PHF19: variants seen among roughly 807,000 people sequenced by gnomAD.
PHF19 encodes PHD finger protein 19, also known as polycomb like 3.
PHF19 carries 21 observed loss-of-function variants against 79.8 expected under a neutral mutation model. The ratio of observed to expected loss-of-function variants is 0.26; its 90% confidence interval spans 0.19 to 0.38. The LOEUF is 0.38. PHF19 is among the 10% of genes least tolerant of loss of function. The pLI is 1.00. For missense variants in PHF19, 445 were observed against 744.2 expected (o/e 0.60, Z 4.68); for synonymous variants, 273 against 296.3 (o/e 0.92, Z 0.81).
Position 120,862,615 on chromosome 9 carries a change from A to G in PHF19, c.1103T>C (p.Leu368Pro). 1 of 1,613,962 alleles carries G rather than the reference A, an allele frequency of 6.2e-7. No homozygotes were observed. The highest frequency in any genetic ancestry group is 8.5e-7 in the Non-Finnish European group (1 of 1,179,962). Residue 368 changes from leucine (L) to proline (P), a missense_variant, in exon 11 of 15, where the codon CTG (leucine) becomes CCG (proline). Physicochemically the swap from Leu to Pro is moderately conservative, Grantham distance 98 (BLOSUM62 -3). Transcript: ENST00000373896. The surrounding 1 kb of genome is among the most constrained non-coding windows in gnomAD (Gnocchi z 4.6). ...AGGCTTGCTCTTTCCTCTCTTACGC[A>G]GCTCAGAGGAGGCGCTGTTCTCATT... ...LPNENSASSELRKRGKSKPGL... is the reference protein window; with the variant it reads ...LPNENSASSEPRKRGKSKPGL...
intron 12 of PHF19, among the ~76,000 whole-genome samples, 153 bp downstream of exon 12, chr9:120,861,765 T>TAAA (rs1243412575): frequency 2.0e-5 from 3 of 152,092 alleles, no homozygotes; most frequent in Non-Finnish European, 2.9e-5. Flanking sequence ...GCAGGGGTCT[T>TAAA]AGAGTGCCTG....
intron 1 of PHF19, among the ~76,000 whole-genome samples, chr9:120,886,638 TG>T (rs751857862): frequency 6.6e-6 from 1 of 152,254 alleles, no homozygotes; most frequent in Non-Finnish European, 1.5e-5. Flanking sequence ...CAATGTCAGC[TG>T]GAGTGTTTCC....
rs1437273475 is a variant in PHF19 at position 120,856,603 on chromosome 9, G to C, written c.*1341C>G. The C allele has an allele frequency of 6.6e-6, 1 of 152,272 alleles. No individual in the cohort carries two copies. The highest frequency in any genetic ancestry group is 1.5e-5 in the Non-Finnish European group (1 of 68,032). 9.4% of individuals were successfully genotyped at this position (152,272 alleles called of 1,614,324 possible). The stretch of plus-strand genomic sequence containing the variant: ...GGTCCTCTTCCCCCTCCCAATTTTG[G>C]TTTCCCTCCAGATGAGGCAGAATTT... On this transcript the variant is annotated 3_prime_UTR_variant, in exon 15 of 15. Transcript: ENST00000373896.
chr9:120,856,532 C>T lies in PHF19; in HGVS notation c.*1412G>A, dbSNP rs564927935. On this transcript the variant is annotated 3_prime_UTR_variant, in exon 15 of 15. Coordinates refer to ENST00000373896, the MANE Select transcript of PHF19 (RefSeq NM_015651.3). ...AAGGCACTTTTGTCCATTTTCCAAT[C>T]AAGTGAGTCAGTTTCTAATATCTCT... The T allele has an allele frequency of 6.6e-6, 1 of 152,388 alleles. No homozygotes were observed. Among genetic ancestry groups the T allele is most frequent in the South Asian group, 2.1e-4 (1 of 4,828 alleles). 9.4% of individuals were successfully genotyped at this position (152,388 alleles called of 1,614,324 possible). A position where few individuals can be genotyped will look rare whatever the true frequency, so the allele number is the denominator to read the frequency against.
At chr9:120,877,405 G>A (rs1349828161), upstream of PHF19, 1 of 969,688 alleles carries the variant, frequency 1.0e-6, no homozygotes, top group East Asian at 1.2e-4. Flanking sequence ...TGGAGCCCGC[G>A]GCCGCCGGGC....
rs749920437 is a variant in PHF19 at position 120,858,306 on chromosome 9, GGAA to G, written c.1401-23_1401-21del. The stretch of plus-strand genomic sequence containing the variant: ...GTCCATCTGTATCAGAAGTGGGAGA[GGAA>G]GATGATGAGAATGAGGTAGAACAAT... On this transcript the variant is annotated intron_variant, in intron 14 of 14. Transcript: ENST00000373896. 1 of 1,498,056 alleles carries G rather than the reference GGAA, an allele frequency of 6.7e-7. No individual in the cohort carries two copies. Among genetic ancestry groups the G allele is most frequent in the South Asian group, 1.3e-5 (1 of 75,546 alleles). The allele number at this position is 1,498,056 out of a possible 1,614,324, so 92.8% of individuals were successfully genotyped here.
rs1349376819 is a variant in PHF19 at position 120,870,944 on chromosome 9, C to T, written c.269-406G>A. On this transcript the variant is annotated intron_variant, in intron 3 of 14. Transcript: ENST00000373896. The surrounding 1 kb of genome is among the most constrained non-coding windows in gnomAD (Gnocchi z 4.4). ...TTTGTTGAGATGGAGTCTCTGTCAC[C>T]CAGGCTGGAGTGCAGTGGTGTGATC... 6.6e-6 allele frequency among the ~76,000 whole-genome samples: 1 copy of T among 152,148 alleles called. No homozygotes were observed. Among genetic ancestry groups the T allele is most frequent in the Non-Finnish European group, 1.5e-5 (1 of 68,026 alleles).
chr9:120,895,983 T>C (rs1405459533), upstream of PHF19, among the ~76,000 whole-genome samples: 1 of 152,130 alleles, frequency 6.6e-6, no homozygotes, highest in African/African-American at 2.4e-5. Context: ...GTAAATTGTA[T>C]GGTGTGTGAA....
chr9:120,876,988 A>G, intron 1 of PHF19, 103 bp downstream of exon 1: 1 of 984,528 alleles, frequency 1.0e-6, no homozygotes, highest in Non-Finnish European at 1.2e-6. Context: ...CACCCCCCGG[A>G]GGCGTTCGGG....
chr9:120,863,919 A>T, intron 10 of PHF19, 130 bp downstream of exon 10: 1 of 785,994 alleles, frequency 1.3e-6, no homozygotes. Flanking sequence ...GATCTCGGAG[A>T]ATGGAAATGA....
chr9:120,877,201 G>T, upstream of PHF19: 1 of 982,618 alleles, frequency 1.0e-6, no homozygotes, highest in African/African-American at 1.8e-5. Flanking sequence ...CCGCCCGTGG[G>T]GCCGGGGTCG....
chr9:120,895,980 G>A (rs530424052), upstream of PHF19, among the ~76,000 whole-genome samples: 31 of 152,250 alleles, frequency 2.0e-4, no homozygotes, highest in African/African-American at 7.2e-4. Flanking sequence ...TGGGTAAATT[G>A]TATGGTGTGT....
At chr9:120,887,595 T>C (rs1174533982) in intron 1 of PHF19, among the ~76,000 whole-genome samples, 1 of 150,370 alleles carries the variant, frequency 6.7e-6, no homozygotes, top group African/African-American at 2.5e-5. Context: ...GCAAATTAAT[T>C]TCTTAAATAC....
Position 120,872,668 on chromosome 9 carries a change from C to CT in PHF19, c.268+1310dup, listed in dbSNP as rs1030354630. ...GAATCATCTCTTATTGTAACAAATT[C>CT]TTTTTTTTTCTTTTTCTTTTCTTTT... On this transcript the variant is annotated intron_variant, in intron 3 of 14. Transcript: ENST00000373896. Among the ~76,000 whole-genome samples the CT allele has an allele frequency of 3.9e-4, 58 of 150,340 alleles. No homozygotes were observed. The South Asian group carries it at 8.7e-3, about 23-fold the overall frequency.
In PHF19 at chr9:120,857,121, C is replaced by T. The variant is rs1162131016; in HGVS notation, c.*823G>A. 1 of 152,190 alleles carries T rather than the reference C, an allele frequency of 6.6e-6. No homozygotes were observed. Among genetic ancestry groups the T allele is most frequent in the African/African-American group, 2.4e-5 (1 of 41,338 alleles). The allele number at this position is 152,190 out of a possible 1,614,324, so 9.4% of individuals were successfully genotyped here. A position where few individuals can be genotyped will look rare whatever the true frequency, so the allele number is the denominator to read the frequency against. On this transcript the variant is annotated 3_prime_UTR_variant, in exon 15 of 15. Coordinates refer to ENST00000373896, the MANE Select transcript of PHF19 (RefSeq NM_015651.3). ...ACAGGTTTAGCAAGACATGGTTTCC[C>T]TCCCACCACTACCACCCCCCACCCC...
intron 1 of PHF19, among the ~76,000 whole-genome samples, chr9:120,887,693 T>A (rs936266287): frequency 5.3e-5 from 8 of 151,258 alleles, no homozygotes; most frequent in Non-Finnish European, 1.2e-4. Context: ...CCCTGAATGA[T>A]GATGGTATGC....
At chr9:120,883,805 G>C (rs1435513531) in intron 1 of PHF19, among the ~76,000 whole-genome samples, 1 of 152,000 alleles carries the variant, frequency 6.6e-6, no homozygotes, top group East Asian at 1.9e-4. Context: ...TCCAGAGCTA[G>C]GGGGTGGGGC....
upstream of PHF19, among the ~76,000 whole-genome samples, chr9:120,877,633 C>G (rs918474979): frequency 1.3e-5 from 2 of 152,194 alleles, no homozygotes; most frequent in African/African-American, 2.4e-5. Flanking sequence ...CACAGACACA[C>G]AGCAGGGCGG....
At chr9:120,880,046 T>C (rs575985818), upstream of PHF19, among the ~76,000 whole-genome samples, 2 of 152,182 alleles carry the variant, frequency 1.3e-5, no homozygotes, top group South Asian at 4.1e-4. Flanking sequence ...GACCCTCAAA[T>C]ACCTATGGAG....
Sources: allele counts gnomAD v4.1 joint callset (sites outside exome capture counted in the v4.1 genomes callset), GRCh38; gene constraint gnomAD v4.1.1; non-coding constraint Gnocchi (gnomAD v3.1); transcripts MANE v1.5; gene names NCBI Gene and HGNC (gene_info 2026-07-23, HGNC 2026-07-21).